The following CBLB variants were observed in gnomAD, a reference collection of about 807,000 sequenced individuals.
The protein encoded by CBLB is E3 ubiquitin-protein ligase CBL-B.
Under a neutral mutation model 104.9 loss-of-function variants are expected in CBLB, and 31 were observed. The observed-to-expected ratio is 0.30, with a 90% CI of 0.22 to 0.40. The LOEUF (loss-of-function observed/expected upper bound fraction) is 0.40, where lower values mean the gene tolerates loss of function less well. Among genes scored for constraint, CBLB ranks in the 10% least tolerant of loss-of-function variants. The pLI is 1.00. For synonymous variants in CBLB, 440 were observed against 422.6 expected (o/e 1.04, Z -0.51); for missense variants, 1,062 against 1,214.6 (o/e 0.87, Z 1.87).
intron 10 of CBLB, among the ~76,000 whole-genome samples, chr3:105,713,952 A>G (rs143294509): frequency 3.3e-5 from 5 of 152,324 alleles, no homozygotes; most frequent in Admixed American, 3.3e-4. Context: ...ATTGCAAAAA[A>G]CAAAAGTGTC....
At chr3:105,868,362 T>C in intron 1 of CBLB, 5 of 491,554 alleles carry the variant, frequency 1.0e-5, no homozygotes, top group Non-Finnish European at 9.6e-6. Context: ...CCTTCCCTGC[T>C]CAGGCCCCTT....
At chr3:105,677,912 C>T (rs1275202445) in intron 17 of CBLB, among the ~76,000 whole-genome samples, 1 of 151,476 alleles carries the variant, frequency 6.6e-6, no homozygotes, top group Admixed American at 6.6e-5. Flanking sequence ...CACACTGAGG[C>T]ATTAAAAATA....
intron 14 of CBLB, chr3:105,682,046 G>A: frequency 6.1e-6 from 3 of 489,910 alleles, no homozygotes; most frequent in South Asian, 2.5e-5. Flanking sequence ...CTATAACCAA[G>A]AATTACAAGG....
intron 18 of CBLB, among the ~76,000 whole-genome samples, chr3:105,662,228 C>T (rs1036966718): frequency 1.3e-5 from 2 of 152,122 alleles, no homozygotes; most frequent in Non-Finnish European, 1.5e-5. Flanking sequence ...TTTCACAGTA[C>T]CTAAAAGTGG....
intron 4 of CBLB, among the ~76,000 whole-genome samples, chr3:105,768,313 T>A (rs1008148843): frequency 7.9e-5 from 12 of 152,110 alleles, no homozygotes; most frequent in African/African-American, 2.9e-4. Context: ...CCAGAGATTA[T>A]AAAAATCTTC....
intron 12 of CBLB, 66 bp from the exon 13 acceptor site, chr3:105,693,654 G>C (rs2067998833): frequency 1.0e-6 from 1 of 1,004,224 alleles, no homozygotes; most frequent in African/African-American, 1.6e-5. Flanking sequence ...AGCCATAGCT[G>C]CTCTACCATT....
At chr3:105,688,466 C>T (rs983038407) in intron 13 of CBLB, among the ~76,000 whole-genome samples, 10 of 152,026 alleles carry the variant, frequency 6.6e-5, no homozygotes, top group African/African-American at 1.7e-4. Flanking sequence ...TGAATTTTCA[C>T]GCCAGCACAG....
intron 4 of CBLB, among the ~76,000 whole-genome samples, chr3:105,752,917 A>G (rs2076719958): frequency 6.6e-6 from 1 of 152,206 alleles, no homozygotes; most frequent in Non-Finnish European, 1.5e-5. Context: ...ACACTTTGAG[A>G]GCCTACTATA....
intron 18 of CBLB, among the ~76,000 whole-genome samples, chr3:105,663,599 T>C (rs1276352303): frequency 6.6e-6 from 1 of 152,152 alleles, no homozygotes; most frequent in Non-Finnish European, 1.5e-5. Flanking sequence ...TCCAGTGGTA[T>C]AGTGAGTTGA....
At chr3:105,869,278 A>G, upstream of CBLB, 2 of 899,532 alleles carry the variant, frequency 2.2e-6, no homozygotes, top group South Asian at 1.4e-5. Context: ...TCTCCCGGGA[A>G]CGAAAGTGGA....
intron 2 of CBLB, among the ~76,000 whole-genome samples, chr3:105,859,897 C>G (rs1393183784): frequency 6.6e-6 from 1 of 151,898 alleles, no homozygotes; most frequent in Non-Finnish European, 1.5e-5. Flanking sequence ...TAAAAATACA[C>G]TTTTTTAATA....
intron 3 of CBLB, among the ~76,000 whole-genome samples, chr3:105,802,622 AT>A (rs1220481564): frequency 6.6e-6 from 1 of 152,170 alleles, no homozygotes; most frequent in Non-Finnish European, 1.5e-5. Flanking sequence ...TATAAAAATC[AT>A]TTACTTGCCC....
At chr3:105,688,667 G>C (rs2067298337) in intron 13 of CBLB, among the ~76,000 whole-genome samples, 2 of 151,984 alleles carry the variant, frequency 1.3e-5, no homozygotes, top group African/African-American at 2.4e-5. Context: ...AGGGAAAAAT[G>C]TCTAACTCAA....
chr3:105,732,297 T>A (rs1279042305), intron 9 of CBLB, among the ~76,000 whole-genome samples: 1 of 152,214 alleles, frequency 6.6e-6, no homozygotes, highest in East Asian at 1.9e-4. Context: ...TGAATGTAGT[T>A]TAAAAGGCAC....
chr3:105,708,813 A>G (rs1410416668), intron 10 of CBLB, among the ~76,000 whole-genome samples: 1 of 152,146 alleles, frequency 6.6e-6, no homozygotes, highest in Non-Finnish European at 1.5e-5. Context: ...AAACATTTAT[A>G]AACATTATGT....
chr3:105,843,477 A>G (rs181121163), intron 3 of CBLB, among the ~76,000 whole-genome samples: 105 of 152,294 alleles, frequency 6.9e-4, no homozygotes, highest in Admixed American at 1.5e-3. Flanking sequence ...TAAAGAAAAC[A>G]GGGATTGTTA....
chr3:105,827,123 A>G (rs1322118770), intron 3 of CBLB, among the ~76,000 whole-genome samples: 1 of 152,168 alleles, frequency 6.6e-6, no homozygotes, highest in African/African-American at 2.4e-5. Flanking sequence ...AGCTTCACAC[A>G]TAGTTTACAA....
chr3:105,740,512 T>A lies in CBLB; in HGVS notation c.965A>T (p.Asp322Val). The A allele has an allele frequency of 1.2e-6, 2 of 1,614,066 alleles. No homozygotes were observed. The highest frequency in any genetic ancestry group is 1.7e-6 in the Non-Finnish European group (2 of 1,179,956). Residue 322 changes from aspartate to valine, a missense_variant, in exon 7 of 19, where the codon GAT becomes GTT. Asp to Val is a radical substitution (Grantham distance 152). Transcript: ENST00000394030. ...HNKPLFQALI[D>V]GSREGFYLYP... ...TACTTACAATCCTTCCCTGCTGCCA[T>A]CAATCAGGGCTTGAAATAAGGGCTT...
At chr3:105,842,282 C>T (rs1490427728) in intron 3 of CBLB, among the ~76,000 whole-genome samples, 1 of 152,164 alleles carries the variant, frequency 6.6e-6, no homozygotes, top group Non-Finnish European at 1.5e-5. Flanking sequence ...TTTTCCCCGA[C>T]CAAATATTCT....
Sources: gnomAD v4.1 joint callset for allele counts (sites outside exome capture counted in the v4.1 genomes callset) on GRCh38, gnomAD v4.1.1 for gene constraint, MANE v1.5 for transcripts, NCBI Gene and HGNC (gene_info 2026-07-23, HGNC 2026-07-21) for gene names.